The following PIWIL1 variants were observed in gnomAD, a reference collection of about 807,000 sequenced individuals.
PIWIL1 encodes piwi like RNA-mediated gene silencing 1.
Under a neutral mutation model 114.4 loss-of-function variants are expected in PIWIL1, and 73 were observed. That is an observed-to-expected ratio of 0.64 (90% CI 0.53 to 0.78). PIWIL1 has a LOEUF of 0.78. PIWIL1 is among the 30% of genes least tolerant of loss of function. The pLI, the probability that PIWIL1 is intolerant of heterozygous loss-of-function variation, is 0.00. For synonymous variants in PIWIL1, 375 were observed against 369.0 expected (o/e 1.02, Z -0.19); for missense variants, 723 against 1,063.1 (o/e 0.68, Z 4.45).
chr12:130,355,928 C>A (rs2073352710), intron 12 of PIWIL1, among the ~76,000 whole-genome samples: 1 of 152,110 alleles, frequency 6.6e-6, no homozygotes, highest in African/African-American at 2.4e-5. Context: ...CATGAACAGC[C>A]CGGGACCTCA....
At chr12:130,389,788 A>G in the PIWIL1 span, among the ~76,000 whole-genome samples, 3 of 152,028 alleles carry the variant, frequency 2.0e-5, no homozygotes, top group African/African-American at 7.2e-5. Context: ...TTTTCTTCCT[A>G]TCTAACATCT....
chr12:130,347,189 C>G, intron 6 of PIWIL1, 127 bp downstream of exon 6: 1 of 712,180 alleles, frequency 1.4e-6, no homozygotes, highest in Non-Finnish European at 2.3e-6. Context: ...CTCTGTATTG[C>G]AGTAACTTAA....
the PIWIL1 span, among the ~76,000 whole-genome samples, chr12:130,391,224 G>C: frequency 1.4e-3 from 206 of 152,342 alleles, 1 homozygote; most frequent in African/African-American, 4.7e-3. Context: ...TCTCGCCAAG[G>C]TGAGGCCGCC....
intron 14 of PIWIL1, among the ~76,000 whole-genome samples, chr12:130,360,311 A>G (rs2073472962): frequency 1.3e-5 from 2 of 152,184 alleles, no homozygotes; most frequent in Non-Finnish European, 2.9e-5. Flanking sequence ...GAATCTGGGA[A>G]TATAAATTGG....
intron 19 of PIWIL1, among the ~76,000 whole-genome samples, chr12:130,369,751 A>G (rs1462611741): frequency 6.6e-6 from 1 of 151,818 alleles, no homozygotes; most frequent in Non-Finnish European, 1.5e-5. Context: ...TTTCTTGTAA[A>G]TTTGCTTAAG....
At chr12:130,374,652 C>T (rs4759664), downstream of PIWIL1, among the ~76,000 whole-genome samples, 55,406 of 152,036 alleles carry the variant, frequency 0.36, 12,157 homozygotes, top group East Asian at 0.5. Flanking sequence ...CGGAGTCCAG[C>T]GCTCTGCCCT....
rs2073383983 is a variant in PIWIL1 at position 130,357,115 on chromosome 12, T to C, written c.1592+10T>C. The stretch of plus-strand genomic sequence containing the variant: ...TGAGAAAAGCAATAATGTAAGTTAA[T>C]CAAGTCATTTCTGCTCTGAAAATTG... On this transcript the variant is annotated intron_variant, in intron 13 of 20. Coordinates refer to ENST00000245255, the MANE Select transcript of PIWIL1 (RefSeq NM_004764.5). 1 of 1,597,100 alleles carries C rather than the reference T, an allele frequency of 6.3e-7. No individual in the cohort carries two copies. Among genetic ancestry groups the C allele is most frequent in the Non-Finnish European group, 8.6e-7 (1 of 1,167,962 alleles).
chr12:130,419,258 G>A, the PIWIL1 span, among the ~76,000 whole-genome samples: 1 of 152,160 alleles, frequency 6.6e-6, no homozygotes, highest in Non-Finnish European at 1.5e-5. The surrounding 1 kb of genome is among the most constrained non-coding windows in gnomAD (Gnocchi z 4.3). Flanking sequence ...ACCCTGGGGG[G>A]AGTGGGCACT....
At chr12:130,340,467 C>T (rs777697664) in intron 1 of PIWIL1, among the ~76,000 whole-genome samples, 1 of 151,934 alleles carries the variant, frequency 6.6e-6, no homozygotes, top group Non-Finnish European at 1.5e-5. Context: ...ACCCTTGGCA[C>T]GCCGACTTCA....
At chr12:130,365,763 A>G (rs1164973716) in intron 18 of PIWIL1, among the ~76,000 whole-genome samples, 4 of 152,318 alleles carry the variant, frequency 2.6e-5, no homozygotes, top group Admixed American at 1.3e-4. Context: ...CTTGTTTTAG[A>G]TGCTGTCATG....
the PIWIL1 span, chr12:130,398,982 A>G: frequency 2.4e-6 from 1 of 411,746 alleles, no homozygotes. Flanking sequence ...TAGGTCCAAT[A>G]GTTTTTTGAG....
chr12:130,389,502 A>G, the PIWIL1 span, among the ~76,000 whole-genome samples: 1 of 151,972 alleles, frequency 6.6e-6, no homozygotes, highest in African/African-American at 2.4e-5. Flanking sequence ...TTTATTAATC[A>G]GTGTCATTAT....
At chr12:130,413,840 C>A in the PIWIL1 span, among the ~76,000 whole-genome samples, 1 of 152,040 alleles carries the variant, frequency 6.6e-6, no homozygotes, top group Non-Finnish European at 1.5e-5. Context: ...AAATTTGGAG[C>A]CTGTGTTATT....
Position 130,354,904 on chromosome 12 carries a change from G to A in PIWIL1, c.1188G>A (p.Met396Ile). The part of the protein sequence containing the change: ...LCYLTGLTDK[M>I]RNDFNVMKDL... ...TATTTAAAGGTCTAACTGATAAAAT[G>A]CGTAATGATTTTAACGTGATGAAAG... The change falls in exon 11 of 21, where the codon ATG becomes ATA. Residue 396 changes from methionine to isoleucine, a missense_variant. Transcript: ENST00000245255. The A allele has an allele frequency of 1.1e-5, 17 of 1,611,720 alleles. No homozygotes were observed. The highest frequency in any genetic ancestry group is 1.4e-5 in the Non-Finnish European group (17 of 1,178,018).
At position 130,367,256 on chromosome 12, in the gene PIWIL1, A is replaced by G. The variant is rs1272519037; in HGVS notation, c.2319A>G (p.Glu773=). ...TTGATGTAGAGGTTACCAGACCAGA[A>G]TGGTAAGTTCCATGTGATGAGCTGA... ...TVIDVEVTRP[E]WYDFFIVSQA... The change falls in exon 19 of 21, where the codon GAA becomes GAG. Residue 773 remains glutamate (E), a splice_region_variant and synonymous_variant. Coordinates refer to ENST00000245255, the MANE Select transcript of PIWIL1 (RefSeq NM_004764.5). The G allele has an allele frequency of 6.2e-7, 1 of 1,612,830 alleles. No homozygotes were observed. The highest frequency in any genetic ancestry group is 2.2e-5 in the East Asian group (1 of 44,814).
intron 1 of PIWIL1, among the ~76,000 whole-genome samples, chr12:130,342,064 G>A (rs1356986036): frequency 6.6e-6 from 1 of 152,150 alleles, no homozygotes; most frequent in Non-Finnish European, 1.5e-5. Flanking sequence ...AGCCACACAT[G>A]GAACTCTGGG....
rs2073685424 is a variant in PIWIL1 at position 130,367,266 on chromosome 12, C to A, written c.2321+8C>A. On this transcript the variant is annotated splice_region_variant and intron_variant, in intron 19 of 20. Coordinates refer to ENST00000245255, the MANE Select transcript of PIWIL1 (RefSeq NM_004764.5). ...GGTTACCAGACCAGAATGGTAAGTT[C>A]CATGTGATGAGCTGAAGGTTGTTTT... The A allele has an allele frequency of 1.2e-6, 2 of 1,608,014 alleles. No individual in the cohort carries two copies. Among genetic ancestry groups the A allele is most frequent in the Non-Finnish European group, 1.7e-6 (2 of 1,175,396 alleles).
chr12:130,418,128 C>T, the PIWIL1 span, among the ~76,000 whole-genome samples: 1 of 152,206 alleles, frequency 6.6e-6, no homozygotes, highest in Non-Finnish European at 1.5e-5. Flanking sequence ...ATAAAACACG[C>T]AGTCTAACAA....
chr12:130,405,487 T>C, the PIWIL1 span, among the ~76,000 whole-genome samples: 1 of 152,176 alleles, frequency 6.6e-6, no homozygotes, highest in Non-Finnish European at 1.5e-5. Flanking sequence ...GGGTCCTAAG[T>C]GGCCCTGTGG....
Sources: allele counts gnomAD v4.1 joint callset (sites outside exome capture counted in the v4.1 genomes callset), GRCh38; gene constraint gnomAD v4.1.1; non-coding constraint Gnocchi (gnomAD v3.1); transcripts MANE v1.5; gene names NCBI Gene and HGNC (gene_info 2026-07-23, HGNC 2026-07-21).